Variants in SRRM3 observed in about 807,000 individuals in gnomAD.
The protein encoded by SRRM3 is serine/arginine repetitive matrix 3.
Under a neutral mutation model 66.2 loss-of-function variants are expected in SRRM3, and 27 were observed. The ratio of observed to expected loss-of-function variants is 0.41; its 90% confidence interval spans 0.30 to 0.56. The LOEUF (loss-of-function observed/expected upper bound fraction) is 0.56, where lower values mean the gene tolerates loss of function less well. Among genes scored for constraint, SRRM3 ranks in the 20% least tolerant of loss-of-function variants. SRRM3 has a pLI of 0.32. For missense variants in SRRM3, 918 were observed against 991.9 expected (o/e 0.93, Z 1.00); for synonymous variants, 391 against 414.9 (o/e 0.94, Z 0.70).
chr7:76,209,370 G>A, intron 1 of SRRM3, among the ~76,000 whole-genome samples: 1 of 152,206 alleles, frequency 6.6e-6, no homozygotes, highest in East Asian at 1.9e-4. Context: ...AGCATCAGAG[G>A]AGGCTTCTGG....
chr7:76,267,762 C>G (rs1289600966), intron 11 of SRRM3: 1 of 279,742 alleles, frequency 3.6e-6, no homozygotes, highest in Non-Finnish European at 6.7e-6. Flanking sequence ...ATCAGGGTCT[C>G]GTGCCCTCCC....
At chr7:76,207,383 A>G (rs1234398458) in intron 1 of SRRM3, among the ~76,000 whole-genome samples, 1 of 152,198 alleles carries the variant, frequency 6.6e-6, no homozygotes, top group Non-Finnish European at 1.5e-5. Context: ...TACAGAAACC[A>G]AGGAGAAAAT....
intron 2 of SRRM3, among the ~76,000 whole-genome samples, chr7:76,247,628 A>G (rs1801474912): frequency 6.6e-6 from 1 of 152,090 alleles, no homozygotes; most frequent in Admixed American, 6.6e-5. Flanking sequence ...CACCTCTGGG[A>G]ACAAGTTTTT....
At chr7:76,236,631 C>T (rs1034775381) in intron 2 of SRRM3, among the ~76,000 whole-genome samples, 6 of 152,190 alleles carry the variant, frequency 3.9e-5, no homozygotes, top group South Asian at 4.1e-4. Flanking sequence ...GAAGGCCATC[C>T]GGAAGGCGGG....
chr7:76,243,067 A>AC (rs1554605798), intron 2 of SRRM3, among the ~76,000 whole-genome samples: 1 of 152,072 alleles, frequency 6.6e-6, no homozygotes, highest in Non-Finnish European at 1.5e-5. Flanking sequence ...AACACCTCCC[A>AC]CCAGACCCCA....
chr7:76,249,418 C>T (rs1427528002), intron 3 of SRRM3, among the ~76,000 whole-genome samples: 1 of 151,578 alleles, frequency 6.6e-6, no homozygotes, highest in Non-Finnish European at 1.5e-5. Context: ...GCTGAGGTCA[C>T]GCCTCTGCCG....
rs201265747 is a variant in SRRM3, at chr7:76,258,713, CAA to C, written c.336-1174_336-1173del. 2.0e-3 allele frequency among the ~76,000 whole-genome samples: 139 copies of C among 68,280 alleles called. 1 individual carries two copies. The South Asian group carries it at 0.048, about 23-fold the overall frequency. 44.8% of individuals were successfully genotyped at this position (68,280 alleles called of 152,430 possible). On this transcript the variant is annotated intron_variant, in intron 3 of 14. Coordinates refer to ENST00000611745, the MANE Select transcript of SRRM3 (RefSeq NM_001110199.3). ...TAGTCGACAGAGTGAGACTCCATCT[CAA>C]AAAAAAAAAAAAAAAAAAGAAAAAG...
At chr7:76,258,651 A>G (rs1410772005) in intron 3 of SRRM3, among the ~76,000 whole-genome samples, 4 of 138,310 alleles carry the variant, frequency 2.9e-5, no homozygotes, top group African/African-American at 1.1e-4. Context: ...CAGGCGGAGG[A>G]TGCAGTGAGC....
intron 2 of SRRM3, among the ~76,000 whole-genome samples, chr7:76,242,065 A>T (rs1321902564): frequency 5.3e-5 from 8 of 152,194 alleles, no homozygotes; most frequent in African/African-American, 1.9e-4. Flanking sequence ...CATGTCTCAC[A>T]TGGCACCAGA....
At chr7:76,207,228 G>A (rs924049132) in intron 1 of SRRM3, among the ~76,000 whole-genome samples, 2 of 152,130 alleles carry the variant, frequency 1.3e-5, no homozygotes. Context: ...CTTGAGTCTA[G>A]GACTTCAAGG....
intron 11 of SRRM3, among the ~76,000 whole-genome samples, chr7:76,273,865 A>G (rs904549728): frequency 6.6e-6 from 1 of 151,552 alleles, no homozygotes. Flanking sequence ...CTCCTTCTTC[A>G]CCTTCCTTGT....
At chr7:76,203,771 T>C (rs1283310080) in intron 1 of SRRM3, among the ~76,000 whole-genome samples, 2 of 152,132 alleles carry the variant, frequency 1.3e-5, no homozygotes, top group Admixed American at 6.6e-5. Context: ...CCACTCGCGC[T>C]GTCCTCCTGG....
intron 1 of SRRM3, among the ~76,000 whole-genome samples, chr7:76,234,246 A>G (rs1409888205): frequency 6.7e-6 from 1 of 148,718 alleles, no homozygotes; most frequent in African/African-American, 2.6e-5. Flanking sequence ...TGGAGGGCCT[A>G]GCATGGAGTC....
chr7:76,257,870 G>A (rs782427398), intron 3 of SRRM3, among the ~76,000 whole-genome samples: 1 of 152,138 alleles, frequency 6.6e-6, no homozygotes, highest in Non-Finnish European at 1.5e-5. Context: ...TCTCACCTTC[G>A]AGAAGAGGCT....
At chr7:76,208,062 CT>C (rs1452120018) in intron 1 of SRRM3, among the ~76,000 whole-genome samples, 2 of 152,082 alleles carry the variant, frequency 1.3e-5, no homozygotes, top group African/African-American at 2.4e-5. Context: ...ACTTTATGGC[CT>C]GGGATAGGTC....
At chr7:76,267,511 G>T in intron 11 of SRRM3, 76 bp downstream of exon 11, 2 of 1,151,828 alleles carry the variant, frequency 1.7e-6, no homozygotes, top group Non-Finnish European at 2.2e-6. Flanking sequence ...TCGCCAGCGG[G>T]GCAGGGGGCG....
chr7:76,259,749 A>G (rs1168023612), intron 3 of SRRM3, among the ~76,000 whole-genome samples, 157 bp from the exon 4 acceptor site: 1 of 152,128 alleles, frequency 6.6e-6, no homozygotes, highest in Non-Finnish European at 1.5e-5. Flanking sequence ...ATCTCTGCCT[A>G]GCCCTGTAAG....
chr7:76,264,156 C>T (rs538191272), intron 8 of SRRM3, among the ~76,000 whole-genome samples: 2 of 150,248 alleles, frequency 1.3e-5, no homozygotes, highest in Admixed American at 6.6e-5. Flanking sequence ...AACAGCAACC[C>T]CTGCCTTTTT....
chr7:76,261,918 G>A (rs1711730417), intron 8 of SRRM3, among the ~76,000 whole-genome samples: 1 of 151,822 alleles, frequency 6.6e-6, no homozygotes, highest in Non-Finnish European at 1.5e-5. Flanking sequence ...CAGGGAAACA[G>A]CTCGCGAGGC....
Sources: gnomAD v4.1 joint callset for allele counts (sites outside exome capture counted in the v4.1 genomes callset) on GRCh38, gnomAD v4.1.1 for gene constraint, MANE v1.5 for transcripts, NCBI Gene and HGNC (gene_info 2026-07-23, HGNC 2026-07-21) for gene names.